MACF1: variants seen among roughly 807,000 people sequenced by gnomAD.
MACF1 encodes the protein microtubule actin crosslinking factor 1.
MACF1 carries 193 observed loss-of-function variants against 854.8 expected under a neutral mutation model. The observed-to-expected ratio is 0.23, with a 90% CI of 0.20 to 0.25. The LOEUF (loss-of-function observed/expected upper bound fraction) is 0.25, where lower values mean the gene tolerates loss of function less well. Ranked by LOEUF, MACF1 falls within the 10% of genes least tolerant of loss-of-function variation. The probability of loss-of-function intolerance (pLI) is 1.00; values close to 1 mark genes in which losing one functional copy is unlikely to be tolerated. For synonymous variants in MACF1, 3,185 were observed against 3,226.7 expected, an observed-to-expected ratio of 0.99 and a Z score of 0.44; for missense variants, 7,722 against 8,929.1, an observed-to-expected ratio of 0.86 and a Z score of 5.45.
chr1:39,330,592 T>TA (rs1283475727), intron 36 of MACF1, among the ~76,000 whole-genome samples: 1 of 152,178 alleles, frequency 6.6e-6, no homozygotes, highest in African/African-American at 2.4e-5. Flanking sequence ...TTTCACTGCT[T>TA]ACCACCCTGT....
chr1:39,299,858 T>C (rs539992256), intron 21 of MACF1, among the ~76,000 whole-genome samples: 1 of 152,362 alleles, frequency 6.6e-6, no homozygotes, highest in Admixed American at 6.5e-5. Context: ...ATTTTAACTT[T>C]CATGTTCTCT....
chr1:39,452,102 T>G, intron 85 of MACF1, 54 bp from the exon 86 acceptor site: 1 of 1,414,932 alleles, frequency 7.1e-7, no homozygotes. Flanking sequence ...CCCAGTGGTT[T>G]CTTGGACTCA....
intron 2 of MACF1, among the ~76,000 whole-genome samples, chr1:39,179,240 C>G (rs1395029047): frequency 6.6e-6 from 1 of 152,192 alleles, no homozygotes; most frequent in Non-Finnish European, 1.5e-5. Context: ...TCCTTTCTTT[C>G]CCCAGACCCC....
chr1:39,419,353 G>T (rs528015142), intron 58 of MACF1, among the ~76,000 whole-genome samples: 7 of 152,306 alleles, frequency 4.6e-5, no homozygotes, highest in Middle Eastern at 3.4e-3. Context: ...TAAAGTTGCA[G>T]TAGCTCTTAT....
intron 36 of MACF1, 78 bp from the exon 37 acceptor site, chr1:39,331,124 TG>T (rs1457317582): frequency 6.9e-7 from 1 of 1,446,296 alleles, no homozygotes; most frequent in Admixed American, 2.8e-5. Flanking sequence ...TTTCAATAGT[TG>T]TGCTTTGCCA....
chr1:39,463,477 C>A (rs558689028), intron 93 of MACF1, 135 bp from the exon 94 acceptor site: 3 of 571,072 alleles, frequency 5.3e-6, no homozygotes, highest in Non-Finnish European at 9.5e-6. Flanking sequence ...GCAACAAGAG[C>A]GAAACTCCAT....
rs965780057 is a variant in MACF1 at position 39,455,504 on chromosome 1, C to T, written c.21075+407C>T. Among the ~76,000 whole-genome samples, 20 of 152,098 alleles carry T rather than the reference C, an allele frequency of 1.3e-4. 1 individual carries two copies. In the East Asian group the frequency reaches 2.5e-3, roughly 19 times the overall value. On this transcript the variant is annotated intron_variant, in intron 89 of 100. Transcript: ENST00000564288. ...CTCAGGTCTTAGCCACACAGCCAGC[C>T]GGAGAAACTGTCCAAAGTGCTCTAT...
chr1:39,436,458 T>G (rs1313285169), intron 70 of MACF1: 22 of 1,613,842 alleles, frequency 1.4e-5, no homozygotes, highest in Non-Finnish European at 1.9e-5. Flanking sequence ...TTCATTGTTG[T>G]GTTGACCGCG....
intron 1 of MACF1, among the ~76,000 whole-genome samples, chr1:39,225,157 C>G (rs893557455): frequency 6.6e-6 from 1 of 151,964 alleles, no homozygotes; most frequent in African/African-American, 2.4e-5. Flanking sequence ...GCATTCCAGC[C>G]TGGGAAACAG....
chr1:39,101,219 T>C (rs1245843029), intron 2 of MACF1, among the ~76,000 whole-genome samples: 1 of 151,626 alleles, frequency 6.6e-6, no homozygotes, highest in African/African-American at 2.4e-5. Flanking sequence ...TAGCTGGGCA[T>C]GGTGGCAGGC....
Position 39,447,783 on chromosome 1 carries a change from A to T in MACF1, c.19853A>T (p.Asp6618Val). Residue 6618 changes from aspartate to valine, a missense_variant, in exon 82 of 101, where the codon GAT becomes GTT. Asp to Val is a radical substitution (Grantham distance 152). Coordinates refer to ENST00000564288, the MANE Select transcript of MACF1 (RefSeq NM_001394062.1). Reference protein sequence around the residue: ...NQLKFLSQKQDVVLIKNLLVS... With the variant: ...NQLKFLSQKQVVVLIKNLLVS... ...TTAAAGTTCCTTAGCCAAAAGCAGGATGTTGTTCTGATCAAGAATTTGTTG... is the reference window on the plus strand; with the variant it reads ...TTAAAGTTCCTTAGCCAAAAGCAGGTTGTTGTTCTGATCAAGAATTTGTTG... The T allele has an allele frequency of 1.2e-6, 2 of 1,614,068 alleles. No individual in the cohort carries two copies. The highest frequency in any genetic ancestry group is 8.5e-7 in the Non-Finnish European group (1 of 1,180,020).
At chr1:39,421,317 A>G (rs2148634627) in intron 58 of MACF1, among the ~76,000 whole-genome samples, 1 of 152,356 alleles carries the variant, frequency 6.6e-6, no homozygotes, top group East Asian at 1.9e-4. Flanking sequence ...ATTCTGTTGC[A>G]CCATGGTAAA....
In MACF1 at chr1:39,424,192, C is replaced by T. The variant is rs1324855531; in HGVS notation, c.16314C>T (p.Ala5438=). Residue 5438 remains alanine (A), a splice_region_variant and synonymous_variant, in exon 61 of 101, where the codon GCC becomes GCT. Coordinates refer to ENST00000564288, the MANE Select transcript of MACF1 (RefSeq NM_001394062.1). Reference sequence around the variant, plus strand: ...CTGAACTACTCAGTAAGGCAGCAGCCAGGTAAGATCAAAGGAATTTTGAGG... The same window carrying T: ...CTGAACTACTCAGTAAGGCAGCAGCTAGGTAAGATCAAAGGAATTTTGAGG... The part of the protein sequence containing the change: ...RWTELLSKAA[A]RQKQLEDILV... 6.2e-7 allele frequency: 1 copy of T among 1,612,054 alleles called. No individual in the cohort carries two copies. The highest frequency in any genetic ancestry group is 8.5e-7 in the Non-Finnish European group (1 of 1,179,026).
Position 39,480,855 on chromosome 1 carries a change from A to G in MACF1, c.22171-65A>G, listed in dbSNP as rs1234092866. ...TTCTATTTATTTTTTTCTGTTCCCA[A>G]TGTGCACCCTTTTTGTTCCTTTTTC... On this transcript the variant is annotated intron_variant, in intron 98 of 100. Coordinates refer to ENST00000564288, the MANE Select transcript of MACF1 (RefSeq NM_001394062.1). 5.0e-6 allele frequency: 4 copies of G among 800,848 alleles called. No homozygotes were observed. The Admixed American group carries it at 6.6e-5, about 13-fold the overall frequency. The allele number at this position is 800,848 out of a possible 1,614,324, so 49.6% of individuals were successfully genotyped here. A position where few individuals can be genotyped will look rare whatever the true frequency, so the allele number is the denominator to read the frequency against.
chr1:39,310,370 A>G lies in MACF1; in HGVS notation c.3042A>G (p.Glu1014=), dbSNP rs1305575313. 5.0e-6 allele frequency: 8 copies of G among 1,614,032 alleles called. No homozygotes were observed. The Admixed American group carries it at 1.0e-4, about 20-fold the overall frequency. ...LFSVADRLRL[E]EEVEACKARF... ...CAGTGGCTGATCGCTTGCGCTTGGA[A>G]GAGGAGGTGGAAGCTTGTAAAGCCC... is the stretch of plus-strand genomic sequence containing the variant. Residue 1014 remains glutamate, a synonymous_variant, in exon 25 of 101, where the codon GAA becomes GAG. Transcript: ENST00000564288.
rs1188270609 is a variant in MACF1, at chr1:39,447,822, C to T, written c.19892C>T (p.Ser6631Phe). ...AAGAATTTGTTGGTGAGCGTGCAGT[C>T]TCGATGGGAGAAGGTTGTCCAGCGA... ...LIKNLLVSVQ[S>F]RWEKVVQRSI... Residue 6631 changes from serine (S) to phenylalanine (F), a missense_variant, in exon 82 of 101, where the codon TCT becomes TTT. Around this residue, in one of 15 missense-constraint regions of MACF1, gnomAD observed 729 missense variants for 900.5 expected, o/e 0.81. Transcript: ENST00000564288. The T allele has an allele frequency of 1.9e-6, 3 of 1,613,336 alleles. No homozygotes were observed. The highest frequency in any genetic ancestry group is 1.7e-6 in the Non-Finnish European group (2 of 1,179,774).
rs1291479298 is a variant in MACF1, at chr1:39,486,750, G to C, written c.*956G>C. 1 of 152,624 alleles carries C rather than the reference G, an allele frequency of 6.6e-6. No homozygotes were observed. The highest frequency in any genetic ancestry group is 1.9e-4 in the East Asian group (1 of 5,198). The allele number at this position is 152,624 out of a possible 1,614,324, so 9.5% of individuals were successfully genotyped here. A position where few individuals can be genotyped will look rare whatever the true frequency, so the allele number is the denominator to read the frequency against. On this transcript the variant is annotated 3_prime_UTR_variant, in exon 101 of 101. Transcript: ENST00000564288. The stretch of plus-strand genomic sequence containing the variant: ...TTTAATGGAGTTCACCAGCACACTT[G>C]TTAACCAGTCCTGTTTGCTTTCGTC...
At chr1:39,149,530 A>G (rs1293017308) in intron 2 of MACF1, among the ~76,000 whole-genome samples, 2 of 151,626 alleles carry the variant, frequency 1.3e-5, no homozygotes, top group African/African-American at 4.8e-5. Flanking sequence ...TCCGTCTCAA[A>G]AAAATAAAAA....
chr1:39,272,322 G>T (rs1363627411), intron 6 of MACF1, among the ~76,000 whole-genome samples: 1 of 152,196 alleles, frequency 6.6e-6, no homozygotes, highest in Non-Finnish European at 1.5e-5. Flanking sequence ...CTGTTCACAG[G>T]CTTGAGGACA....
Sources: allele counts gnomAD v4.1 joint callset (sites outside exome capture counted in the v4.1 genomes callset), GRCh38; gene constraint gnomAD v4.1.1; regional missense constraint gnomAD v4.1.1; transcripts MANE v1.5; gene names NCBI Gene and HGNC (gene_info 2026-07-23, HGNC 2026-07-21).